The following E2F6 variants were observed in gnomAD, a reference collection of about 807,000 sequenced individuals.
E2F6 encodes E2F transcription factor 6.
In E2F6, 19 loss-of-function variants were observed where a neutral mutation model predicts 31.5. That is an observed-to-expected ratio of 0.60 (90% CI 0.42 to 0.89). The LOEUF is 0.89. Among genes scored for constraint, E2F6 ranks in the 40% least tolerant of loss-of-function variants. The probability of loss-of-function intolerance (pLI) is 0.00; values close to 1 mark genes in which losing one functional copy is unlikely to be tolerated. For synonymous variants in E2F6, 121 were observed against 127.7 expected (o/e 0.95, Z 0.36); for missense variants, 269 against 341.6 (o/e 0.79, Z 1.67).
intron 1 of E2F6, 50 bp downstream of exon 1, chr2:11,465,722 G>T: frequency 6.5e-7 from 1 of 1,540,600 alleles, no homozygotes; most frequent in Non-Finnish European, 8.8e-7. Context: ...GGGAGGAGGG[G>T]GCCGGATTTG....
chr2:11,449,086 C>T (rs1016482699), intron 5 of E2F6, among the ~76,000 whole-genome samples: 1 of 152,144 alleles, frequency 6.6e-6, no homozygotes, highest in Non-Finnish European at 1.5e-5. Context: ...TAGGGAAAAG[C>T]CAAAAATCCA....
At chr2:11,449,923 G>A (rs1416225589) in intron 5 of E2F6, 89 bp downstream of exon 5, 49 of 987,274 alleles carry the variant, frequency 5.0e-5, no homozygotes, top group Non-Finnish European at 6.7e-5. Context: ...TGCACACAAC[G>A]GCTCTTAAGT....
chr2:11,446,641 T>C lies in E2F6; in HGVS notation c.800-118A>G, dbSNP rs146636822. Reference sequence around the variant, plus strand: ...TACTTCAGAAAACCCTGAAGATGCCTGGTCAAGAACACGTATTCTCAGGTT... The same window carrying C: ...TACTTCAGAAAACCCTGAAGATGCCCGGTCAAGAACACGTATTCTCAGGTT... On this transcript the variant is annotated intron_variant, in intron 6 of 6. Coordinates refer to ENST00000381525, the MANE Select transcript of E2F6 (RefSeq NM_198256.4). 125 of 817,960 alleles carry C rather than the reference T, an allele frequency of 1.5e-4. No individual in the cohort carries two copies. In the African/African-American group the frequency reaches 1.7e-3, roughly 11 times the overall value. 50.7% of individuals were successfully genotyped at this position (817,960 alleles called of 1,614,324 possible).
Position 11,444,750 on chromosome 2 carries a change from C to T in E2F6, c.*1727G>A, listed in dbSNP as rs1455373836. ...GTACTACACAGCTCAGACTTTTCCG[C>T]TGAGCACCTGACCTACATACACACA... On this transcript the variant is annotated 3_prime_UTR_variant, in exon 7 of 7. Transcript: ENST00000381525. 2 of 152,230 alleles carry T rather than the reference C, an allele frequency of 1.3e-5. No individual in the cohort carries two copies. The allele number at this position is 152,230 out of a possible 1,614,324, so 9.4% of individuals were successfully genotyped here.
At chr2:11,455,030 C>T (rs555421878) in intron 2 of E2F6, among the ~76,000 whole-genome samples, 50 of 152,248 alleles carry the variant, frequency 3.3e-4, no homozygotes, top group African/African-American at 1.1e-3. Context: ...CTTTTTGTTG[C>T]GAAACTACTG....
chr2:11,454,258 G>A (rs1388767649), intron 2 of E2F6, among the ~76,000 whole-genome samples: 2 of 152,030 alleles, frequency 1.3e-5, no homozygotes, highest in Non-Finnish European at 2.9e-5. Flanking sequence ...CCATGTCATA[G>A]TGTAAGTTGT....
intron 2 of E2F6, chr2:11,455,354 A>G: frequency 8.4e-7 from 1 of 1,196,530 alleles, no homozygotes; most frequent in Non-Finnish European, 1.1e-6. Context: ...TCAGTCAGAA[A>G]TGTCCTTACT....
chr2:11,454,954 A>T (rs1273521629), intron 2 of E2F6, among the ~76,000 whole-genome samples: 1 of 152,206 alleles, frequency 6.6e-6, no homozygotes, highest in Non-Finnish European at 1.5e-5. Context: ...AGTATTTGCT[A>T]TTTATCCCAA....
intron 2 of E2F6, among the ~76,000 whole-genome samples, chr2:11,455,019 C>A (rs73915202): frequency 0.012 from 1,870 of 152,274 alleles, 53 homozygotes; most frequent in African/African-American, 0.042. Flanking sequence ...TTTCAATGAA[C>A]CTTTTTGTTG....
chr2:11,464,166 T>C (rs1671975369), intron 1 of E2F6, among the ~76,000 whole-genome samples: 1 of 151,932 alleles, frequency 6.6e-6, no homozygotes, highest in South Asian at 2.1e-4. Flanking sequence ...ACAAGTGTGC[T>C]TAGGATAGGG....
intron 1 of E2F6, 108 bp downstream of exon 1, chr2:11,465,664 G>A (rs962021306): frequency 8.7e-7 from 1 of 1,151,482 alleles, no homozygotes; most frequent in Admixed American, 2.1e-5. Flanking sequence ...CCTGGCCCAG[G>A]GGGAGCAGAC....
In E2F6 at chr2:11,453,762, G is replaced by A. The variant is rs1671220423; in HGVS notation, c.200C>T (p.Ser67Leu). 6 of 1,613,964 alleles carry A rather than the reference G, an allele frequency of 3.7e-6. No homozygotes were observed. Among genetic ancestry groups the A allele is most frequent in the East Asian group, 2.2e-5 (1 of 44,892 alleles). ...AAATTTTCGAGTTAAATAAACCAGC[G>A]ATACATCAAAACGAGGTCTCTTCAC... Reference protein sequence around the residue: ...LKVKRPRFDVSLVYLTRKFMD... With the variant: ...LKVKRPRFDVLLVYLTRKFMD... Residue 67 changes from serine (S) to leucine (L), a missense_variant, in exon 3 of 7, where the codon TCG (serine) becomes TTG (leucine). Transcript: ENST00000381525.
At chr2:11,462,270 C>G (rs551273331) in intron 1 of E2F6, among the ~76,000 whole-genome samples, 132 of 152,282 alleles carry the variant, frequency 8.7e-4, no homozygotes, top group African/African-American at 3.0e-3. Context: ...TCCAAGACCC[C>G]CAGTGGATGC....
rs926173122 is a variant in E2F6 at position 11,466,113 on chromosome 2, C to G, written c.-234G>C. The G allele has an allele frequency of 8.3e-6, 4 of 483,158 alleles. No individual in the cohort carries two copies. Among genetic ancestry groups the G allele is most frequent in the Non-Finnish European group, 1.1e-5 (3 of 275,628 alleles). 29.9% of individuals were successfully genotyped at this position (483,158 alleles called of 1,614,324 possible). ...GACGGAAAAAGAGGAGGGAGACCCG[C>G]GGATCTCAAGTCGCCCGGCCCGCCA... On this transcript the variant is annotated 5_prime_UTR_variant, in exon 1 of 7. Coordinates refer to ENST00000381525, the MANE Select transcript of E2F6 (RefSeq NM_198256.4).
chr2:11,465,807 G>A lies in E2F6; in HGVS notation c.73C>T (p.Arg25Trp), dbSNP rs1168981860. 2.5e-6 allele frequency: 4 copies of A among 1,600,272 alleles called. No individual in the cohort carries two copies. The highest frequency in any genetic ancestry group is 2.3e-5 in the East Asian group (1 of 44,228). The change falls in exon 1 of 7, where the codon CGG (arginine) becomes TGG (tryptophan). Residue 25 changes from arginine to tryptophan, a missense_variant. Physicochemically the swap from Arg to Trp is moderately radical, Grantham distance 101 (BLOSUM62 -3). Transcript: ENST00000381525. ...LDPTEETVRR[R>W]CRDPINVEGL... ...TCCACGTTGATGGGGTCTCGGCACC[G>A]ACGGCGAACCGTCTCCTCCGTCGGG...
rs1409687748 is a variant in E2F6 at position 11,465,572 on chromosome 2, TAGA to T, written c.108+197_108+199del. On this transcript the variant is annotated intron_variant, in intron 1 of 6. Coordinates refer to ENST00000381525, the MANE Select transcript of E2F6 (RefSeq NM_198256.4). The stretch of plus-strand genomic sequence containing the variant: ...GCTCTGAAGTTCCGATGTAAAAGCC[TAGA>T]AGACTGATACCACGTCTGTGAGCAG... Among the ~76,000 whole-genome samples, 6 of 152,316 alleles carry T rather than the reference TAGA, an allele frequency of 3.9e-5. No homozygotes were observed. The East Asian group carries it at 1.2e-3, about 29-fold the overall frequency.
At chr2:11,457,923 A>G (rs535832970) in intron 1 of E2F6, among the ~76,000 whole-genome samples, 2 of 152,366 alleles carry the variant, frequency 1.3e-5, no homozygotes, top group African/African-American at 4.8e-5. Context: ...GTTAGATAAA[A>G]AGTTTCTTTT....
At position 11,446,330 on chromosome 2, in the gene E2F6, C is replaced by T; in HGVS notation, c.*147G>A. On this transcript the variant is annotated 3_prime_UTR_variant, in exon 7 of 7. Coordinates refer to ENST00000381525, the MANE Select transcript of E2F6 (RefSeq NM_198256.4). ...TACTCAGTAATCTAAGTGGTGAACTCCTCAAAGACACTACTGGCCATGATG... is the reference window on the plus strand; with the variant it reads ...TACTCAGTAATCTAAGTGGTGAACTTCTCAAAGACACTACTGGCCATGATG... The T allele has an allele frequency of 1.7e-6, 1 of 598,300 alleles. No individual in the cohort carries two copies. Among genetic ancestry groups the T allele is most frequent in the South Asian group, 2.1e-5 (1 of 47,198 alleles). 37.1% of individuals were successfully genotyped at this position (598,300 alleles called of 1,614,324 possible).
intron 2 of E2F6, among the ~76,000 whole-genome samples, chr2:11,456,665 T>C (rs923497062): frequency 6.6e-6 from 1 of 152,112 alleles, no homozygotes; most frequent in Non-Finnish European, 1.5e-5. Context: ...AAGAAACACA[T>C]CAAAGGTGAA....
Sources: gnomAD v4.1 joint callset for allele counts (sites outside exome capture counted in the v4.1 genomes callset) on GRCh38, gnomAD v4.1.1 for gene constraint, MANE v1.5 for transcripts, NCBI Gene and HGNC (gene_info 2026-07-23, HGNC 2026-07-21) for gene names.